The following MALRD1 variants were observed in gnomAD, a reference collection of about 807,000 sequenced individuals.
MALRD1 encodes the protein MAM and LDL receptor class A domain containing 1.
Under a neutral mutation model 242.1 loss-of-function variants are expected in MALRD1, and 247 were observed. The observed-to-expected ratio is 1.02, with a 90% CI of 0.92 to 1.13. The LOEUF (loss-of-function observed/expected upper bound fraction) is 1.13. Among genes scored for constraint, MALRD1 ranks in the 50% most tolerant of loss-of-function variants. The pLI is 0.00. For missense variants in MALRD1, 2,989 were observed against 2,533.1 expected (o/e 1.18, Z -3.86); for synonymous variants, 995 against 866.6 (o/e 1.15, Z -2.60).
intron 36 of MALRD1, among the ~76,000 whole-genome samples, chr10:19,661,179 T>G (rs1841409062): frequency 6.6e-6 from 1 of 152,212 alleles, no homozygotes; most frequent in Admixed American, 6.5e-5. Flanking sequence ...GCTTTTACAC[T>G]GTTGGTGGGA....
At chr10:19,080,516 G>A (rs1422843177) in intron 2 of MALRD1, among the ~76,000 whole-genome samples, 2 of 152,000 alleles carry the variant, frequency 1.3e-5, no homozygotes, top group African/African-American at 4.8e-5. Context: ...AAGCTATGGG[G>A]AAAGGATTCC....
chr10:19,420,766 G>T (rs1300276079), intron 28 of MALRD1, among the ~76,000 whole-genome samples: 2 of 152,142 alleles, frequency 1.3e-5, no homozygotes, highest in African/African-American at 4.8e-5. Flanking sequence ...AACTTCCAGG[G>T]ATAGATACAC....
At chr10:19,270,707 G>C (rs115859703) in intron 19 of MALRD1, among the ~76,000 whole-genome samples, 31 of 151,702 alleles carry the variant, frequency 2.0e-4, no homozygotes, top group Non-Finnish European at 4.4e-4. Context: ...AGAAGTCAGA[G>C]GACAGATATA....
intron 11 of MALRD1, among the ~76,000 whole-genome samples, chr10:19,150,950 GGAGT>G (rs1833925683): frequency 6.6e-6 from 1 of 152,040 alleles, no homozygotes; most frequent in Non-Finnish European, 1.5e-5. Flanking sequence ...ATAATAACTA[GGAGT>G]GAGACTTCTA....
At chr10:19,194,299 C>T (rs1459082647) in intron 14 of MALRD1, among the ~76,000 whole-genome samples, 7 of 152,096 alleles carry the variant, frequency 4.6e-5, no homozygotes, top group Non-Finnish European at 7.4e-5. Flanking sequence ...TGAATTAATA[C>T]ACAGTTATTG....
intron 38 of MALRD1, among the ~76,000 whole-genome samples, chr10:19,714,570 C>T (rs1040066647): frequency 3.0e-4 from 45 of 152,252 alleles, no homozygotes; most frequent in South Asian, 2.5e-3. Flanking sequence ...TTGTCCTCAC[C>T]TACGTCCGTG....
Position 19,618,966 on chromosome 10 carries a change from C to T in MALRD1, c.6137+3043C>T, listed in dbSNP as rs945471698. 2.0e-5 allele frequency among the ~76,000 whole-genome samples: 3 copies of T among 152,134 alleles called. No homozygotes were observed. In the East Asian group the frequency reaches 5.8e-4, roughly 30 times the overall value. ...CGCTCACTCTCTAATCTTGCCTAGCCTTGGACCTGTGAATAAAATCTGTAG... is the reference window on the plus strand; with the variant it reads ...CGCTCACTCTCTAATCTTGCCTAGCTTTGGACCTGTGAATAAAATCTGTAG... On this transcript the variant is annotated intron_variant, in intron 36 of 39. Coordinates refer to ENST00000454679, the MANE Select transcript of MALRD1 (RefSeq NM_001142308.3).
chr10:19,628,529 A>G (rs1256331050), intron 36 of MALRD1, among the ~76,000 whole-genome samples: 1 of 152,114 alleles, frequency 6.6e-6, no homozygotes, highest in Non-Finnish European at 1.5e-5. Flanking sequence ...GTATATTAAG[A>G]TCCTATTTGG....
At position 19,387,659 on chromosome 10, in the gene MALRD1, A is replaced by G; in HGVS notation, c.4573A>G (p.Lys1525Glu). Residue 1525 changes from lysine to glutamate, a missense_variant, in exon 27 of 40, where the codon AAA becomes GAA. Lys to Glu is a moderately conservative substitution (Grantham distance 56). Coordinates refer to ENST00000454679, the MANE Select transcript of MALRD1 (RefSeq NM_001142308.3). ...GTGTGGTAGCTCCTGTACTTTTGAAAAAGGCTGGTGTGGCTGGCAAAACTC... is the reference window on the plus strand; with the variant it reads ...GTGTGGTAGCTCCTGTACTTTTGAAGAAGGCTGGTGTGGCTGGCAAAACTC... ...NECGSSCTFE[K>E]GWCGWQNSQA... 1 of 1,550,442 alleles carries G rather than the reference A, an allele frequency of 6.4e-7. No homozygotes were observed. Among genetic ancestry groups the G allele is most frequent in the South Asian group, 1.2e-5 (1 of 84,054 alleles).
In MALRD1 at chr10:19,546,990, T is replaced by G. The variant is rs539832565; in HGVS notation, c.5478+15639T>G. On this transcript the variant is annotated intron_variant, in intron 32 of 39. Coordinates refer to ENST00000454679, the MANE Select transcript of MALRD1 (RefSeq NM_001142308.3). ...AATTCATTTTTTTTCCTGTTTGCTG[T>G]CTTGCAGTATAAATTTTCTTTCAAT... Among the ~76,000 whole-genome samples, 234 of 152,320 alleles carry G rather than the reference T, an allele frequency of 1.5e-3. 2 individuals carry two copies. The highest frequency in any genetic ancestry group is 5.5e-3 in the African/African-American group (229 of 41,574).
rs1208461322 is a variant in MALRD1 at position 19,331,568 on chromosome 10, C to G, written c.3887C>G (p.Thr1296Ser). The change falls in exon 24 of 40, where the codon ACT becomes AGT. Residue 1296 changes from threonine to serine, a missense_variant. By Grantham distance (58) the Thr-to-Ser change is moderately conservative. Coordinates refer to ENST00000454679, the MANE Select transcript of MALRD1 (RefSeq NM_001142308.3). ...VNDCADNSDE[T>S]TFICRTSSGR... Reference sequence around the variant, plus strand: ...GATTGTGCTGATAATTCAGATGAGACTACTTTCATTTGCCGTAAGTAAAAG... The same window carrying G: ...GATTGTGCTGATAATTCAGATGAGAGTACTTTCATTTGCCGTAAGTAAAAG... The G allele has an allele frequency of 3.2e-6, 5 of 1,549,948 alleles. No homozygotes were observed. Among genetic ancestry groups the G allele is most frequent in the Non-Finnish European group, 4.4e-6 (5 of 1,146,666 alleles).
At chr10:19,370,113 G>A (rs935107817) in intron 26 of MALRD1, among the ~76,000 whole-genome samples, 3 of 151,952 alleles carry the variant, frequency 2.0e-5, no homozygotes, top group African/African-American at 2.4e-5. Context: ...TTGAAATGAC[G>A]CTCATTTACC....
chr10:19,456,785 T>TTATTTATC (rs1383006202), intron 29 of MALRD1, among the ~76,000 whole-genome samples: 7 of 150,978 alleles, frequency 4.6e-5, no homozygotes, highest in Admixed American at 3.3e-4. Flanking sequence ...ATTTATTTAT[T>TTATTTATC]TATTTTGAGA....
At chr10:19,333,788 T>C (rs1843489814) in intron 24 of MALRD1, among the ~76,000 whole-genome samples, 1 of 152,164 alleles carries the variant, frequency 6.6e-6, no homozygotes, top group Non-Finnish European at 1.5e-5. Flanking sequence ...TTGCCTTTTC[T>C]CGGTAACCTC....
chr10:19,177,018 T>G (rs143298678), intron 14 of MALRD1, among the ~76,000 whole-genome samples: 1 of 152,172 alleles, frequency 6.6e-6, no homozygotes, highest in Non-Finnish European at 1.5e-5. Flanking sequence ...GGCTCACACC[T>G]GCAATCCTAG....
intron 36 of MALRD1, among the ~76,000 whole-genome samples, chr10:19,659,535 G>A (rs1841322793): frequency 6.6e-6 from 1 of 151,812 alleles, no homozygotes; most frequent in Admixed American, 6.6e-5. Flanking sequence ...TTTAATATGG[G>A]ATTCCATATA....
At chr10:19,330,237 A>C (rs1422300243) in intron 23 of MALRD1, among the ~76,000 whole-genome samples, 1 of 148,636 alleles carries the variant, frequency 6.7e-6, no homozygotes, top group African/African-American at 2.5e-5. Flanking sequence ...ACACAGTTAT[A>C]TTTTTTTTTT....
At chr10:19,124,935 CTTTTTTTT>C (rs1173453764) in intron 7 of MALRD1, among the ~76,000 whole-genome samples, 40 of 52,590 alleles carry the variant, frequency 7.6e-4, no homozygotes, top group South Asian at 3.0e-3. Context: ...TATTAAAAGG[CTTTTTTTT>C]TTTTTTTTTT....
In MALRD1 at chr10:19,325,070, C is replaced by T. The variant is rs374285221; in HGVS notation, c.3576+965C>T. Among the ~76,000 whole-genome samples, 137 of 93,822 alleles carry T rather than the reference C, an allele frequency of 1.5e-3. 1 individual carries two copies. Among genetic ancestry groups the T allele is most frequent in the African/African-American group, 5.4e-3 (130 of 23,934 alleles). The allele number at this position is 93,822 out of a possible 152,430, so 61.6% of individuals were successfully genotyped here. ...ATGCTGATTGCCTAATTGTGATGTT[C>T]TAACTCAATTATTCTGTCCACATTT... On this transcript the variant is annotated intron_variant, in intron 22 of 39. Transcript: ENST00000454679.
Sources: gnomAD v4.1 joint callset for allele counts (sites outside exome capture counted in the v4.1 genomes callset) on GRCh38, gnomAD v4.1.1 for gene constraint, MANE v1.5 for transcripts, NCBI Gene and HGNC (gene_info 2026-07-23, HGNC 2026-07-21) for gene names.